VAC14: variants seen among roughly 807,000 people sequenced by gnomAD.
The protein encoded by VAC14 is VAC14 component of PIKFYVE complex, also known as protein VAC14 homolog.
VAC14 carries 47 observed loss-of-function variants against 85.3 expected under a neutral mutation model. The observed-to-expected ratio is 0.55, with a 90% CI of 0.44 to 0.70. The LOEUF is 0.70. Among genes scored for constraint, VAC14 ranks in the 30% least tolerant of loss-of-function variants. The probability of loss-of-function intolerance (pLI) is 0.00; values close to 1 mark genes in which losing one functional copy is unlikely to be tolerated. For synonymous variants in VAC14, 447 were observed against 430.5 expected (o/e 1.04, Z -0.47); for missense variants, 861 against 1,004.3 (o/e 0.86, Z 1.93).
chr16:70,787,786 G>T (rs1237176413), intron 1 of VAC14, among the ~76,000 whole-genome samples: 4 of 152,130 alleles, frequency 2.6e-5, no homozygotes, highest in African/African-American at 9.7e-5. Flanking sequence ...ACCTTGTCTG[G>T]GGCCCCAGAG....
chr16:70,744,583 G>A lies in VAC14; in HGVS notation c.1372-4C>T, dbSNP rs1451356036. On this transcript the variant is annotated splice_polypyrimidine_tract_variant and splice_region_variant and intron_variant, in intron 12 of 18. Coordinates refer to ENST00000261776, the MANE Select transcript of VAC14 (RefSeq NM_018052.5). ...CCTCCAGGTCCTTCAGGATCACCTG[G>A]GGAGAGAAGCGGGGCAGGAGGGATG... The A allele has an allele frequency of 2.5e-6, 4 of 1,590,726 alleles. No homozygotes were observed. The highest frequency in any genetic ancestry group is 3.4e-6 in the Non-Finnish European group (4 of 1,169,266).
intron 14 of VAC14, among the ~76,000 whole-genome samples, chr16:70,727,891 G>T (rs923390822): frequency 1.3e-5 from 2 of 152,242 alleles, no homozygotes; most frequent in Non-Finnish European, 2.9e-5. Context: ...TGTGCTGGCA[G>T]AGTGGGCAGC....
chr16:70,749,102 T>C (rs534771624), intron 12 of VAC14, among the ~76,000 whole-genome samples: 1 of 152,248 alleles, frequency 6.6e-6, no homozygotes, highest in African/African-American at 2.4e-5. Flanking sequence ...AGATACTTGA[T>C]GTGCAAAGCA....
At chr16:70,740,686 T>C (rs2030191500) in intron 13 of VAC14, among the ~76,000 whole-genome samples, 1 of 152,172 alleles carries the variant, frequency 6.6e-6, no homozygotes, top group African/African-American at 2.4e-5. Context: ...AAGTGTGGTG[T>C]CCCTCAGCCA....
chr16:70,690,138 C>CGGGGTG (rs1420601048), intron 18 of VAC14: 1 of 985,502 alleles, frequency 1.0e-6, no homozygotes, highest in African/African-American at 1.7e-5. Context: ...CAGGGTTGGT[C>CGGGGTG]GGGGTGGGAA....
intron 5 of VAC14, 37 bp downstream of exon 5, chr16:70,784,076 C>A: frequency 6.3e-7 from 1 of 1,584,892 alleles, no homozygotes. Context: ...ATTTTCCAAA[C>A]TGGAGGCTGG....
At chr16:70,790,274 G>A (rs2034277143) in intron 1 of VAC14, among the ~76,000 whole-genome samples, 1 of 152,266 alleles carries the variant, frequency 6.6e-6, no homozygotes, top group East Asian at 1.9e-4. Context: ...GTAGGTGTTC[G>A]TTCTGGAGCT....
Position 70,801,115 on chromosome 16 carries a change from G to C in VAC14, c.-215C>G. On this transcript the variant is annotated 5_prime_UTR_variant, in exon 1 of 19. Coordinates refer to ENST00000261776, the MANE Select transcript of VAC14 (RefSeq NM_018052.5). ...CCTGGCCGCTTAACAACTCCCGCCCGGCACTAGCGGGACTCACGAGACAGC... is the reference window on the plus strand; with the variant it reads ...CCTGGCCGCTTAACAACTCCCGCCCCGCACTAGCGGGACTCACGAGACAGC... 4.6e-6 allele frequency: 2 copies of C among 433,920 alleles called. No individual in the cohort carries two copies. The highest frequency in any genetic ancestry group is 1.0e-4 in the South Asian group (2 of 19,088). 26.9% of individuals were successfully genotyped at this position (433,920 alleles called of 1,614,324 possible). A position where few individuals can be genotyped will look rare whatever the true frequency, so the allele number is the denominator to read the frequency against.
intron 9 of VAC14, chr16:70,772,588 G>A (rs1227352612): frequency 6.4e-6 from 1 of 157,260 alleles, no homozygotes; most frequent in Non-Finnish European, 1.4e-5. Context: ...GTGTTGATGA[G>A]AATGTGGAGA....
intron 6 of VAC14, 82 bp downstream of exon 6, chr16:70,783,363 C>T (rs572865090): frequency 3.3e-5 from 46 of 1,400,074 alleles, no homozygotes; most frequent in African/African-American, 1.1e-4. Flanking sequence ...CCTCCTGCCG[C>T]GGCCTCTCTG....
At chr16:70,790,660 C>A (rs184218429) in intron 1 of VAC14, among the ~76,000 whole-genome samples, 1 of 152,122 alleles carries the variant, frequency 6.6e-6, no homozygotes, top group East Asian at 1.9e-4. Flanking sequence ...CTGTGCTGGG[C>A]GTTCCCTCCC....
chr16:70,699,938 C>G (rs2053790417), intron 14 of VAC14: 1 of 152,206 alleles, frequency 6.6e-6, no homozygotes, highest in African/African-American at 2.4e-5. Flanking sequence ...ACGCCGCATC[C>G]CGTCTCCAGG....
chr16:70,762,801 T>C lies in VAC14; in HGVS notation c.1305+80A>G. ...TTCCCTAGAAGGGCAATGACCAAAA[T>C]GCTACCAACTATGGGCAGGCCCTGG... On this transcript the variant is annotated intron_variant, in intron 11 of 18. Coordinates refer to ENST00000261776, the MANE Select transcript of VAC14 (RefSeq NM_018052.5). This position sits in a 1 kb window ranked among gnomAD's most constrained non-coding sequence, Gnocchi z 4.1. 1.9e-6 allele frequency: 3 copies of C among 1,600,652 alleles called. No individual in the cohort carries two copies. Among genetic ancestry groups the C allele is most frequent in the Non-Finnish European group, 1.7e-6 (2 of 1,171,952 alleles).
chr16:70,764,237 C>T (rs2032633904), intron 10 of VAC14, among the ~76,000 whole-genome samples: 2 of 152,164 alleles, frequency 1.3e-5, no homozygotes, highest in Admixed American at 1.3e-4. Context: ...TGATGATCCC[C>T]ATGGTGCACA....
At chr16:70,766,314 G>A (rs1326547041) in intron 10 of VAC14, 2 of 365,172 alleles carry the variant, frequency 5.5e-6, no homozygotes, top group Non-Finnish European at 1.1e-5. Flanking sequence ...CTAAGATGCT[G>A]CTGGCCAGCC....
chr16:70,735,851 T>G (rs1296142293), intron 13 of VAC14, among the ~76,000 whole-genome samples: 2 of 152,264 alleles, frequency 1.3e-5, no homozygotes, highest in Non-Finnish European at 2.9e-5. Flanking sequence ...GCAAAGAGTC[T>G]CTGCTCCCTG....
At chr16:70,718,787 CA>C (rs2054222715) in intron 14 of VAC14, among the ~76,000 whole-genome samples, 1 of 152,142 alleles carries the variant, frequency 6.6e-6, no homozygotes, top group East Asian at 1.9e-4. Context: ...CTGTCTGGGC[CA>C]ATCAGAGCTT....
chr16:70,733,918 G>C (rs1241895451), intron 13 of VAC14, among the ~76,000 whole-genome samples: 3 of 152,102 alleles, frequency 2.0e-5, no homozygotes, highest in African/African-American at 7.2e-5. Context: ...CTCCGCCCGG[G>C]TTCAAGCAAT....
chr16:70,688,188 T>C lies in VAC14; in HGVS notation c.2187-98A>G. On this transcript the variant is annotated intron_variant, in intron 18 of 18. Coordinates refer to ENST00000261776, the MANE Select transcript of VAC14 (RefSeq NM_018052.5). ...GGTCAGAGGCAGAGCCACAGGCTGG[T>C]GGGCTCGGCCTGTGGGCGTCTGTCT... 3 of 1,364,730 alleles carry C rather than the reference T, an allele frequency of 2.2e-6. No individual in the cohort carries two copies. In the South Asian group the frequency reaches 6.2e-5, roughly 28 times the overall value. The allele number at this position is 1,364,730 out of a possible 1,614,324, so 84.5% of individuals were successfully genotyped here.
Sources: allele counts gnomAD v4.1 joint callset (sites outside exome capture counted in the v4.1 genomes callset), GRCh38; gene constraint gnomAD v4.1.1; non-coding constraint Gnocchi (gnomAD v3.1); transcripts MANE v1.5; gene names NCBI Gene and HGNC (gene_info 2026-07-23, HGNC 2026-07-21).